XYLB: variants seen among roughly 807,000 people sequenced by gnomAD.
XYLB encodes the protein xylulokinase, also known as xylulose kinase.
Under a neutral mutation model 78.7 loss-of-function variants are expected in XYLB, and 62 were observed. That is an observed-to-expected ratio of 0.79 (90% CI 0.64 to 0.97). The LOEUF is 0.97. Ranked by LOEUF, XYLB falls within the 50% of genes least tolerant of loss-of-function variation. XYLB has a pLI of 0.00. For missense variants in XYLB, 687 were observed against 676.8 expected (o/e 1.02, Z -0.17); for synonymous variants, 245 against 247.4 (o/e 0.99, Z 0.09).
At chr3:38,441,248 A>C in the XYLB span, among the ~76,000 whole-genome samples, 2 of 152,210 alleles carry the variant, frequency 1.3e-5, no homozygotes, top group African/African-American at 4.8e-5. Context: ...CATACTTGCT[A>C]TCTATATACA....
downstream of XYLB, among the ~76,000 whole-genome samples, chr3:38,416,737 T>G (rs1708808112): frequency 6.6e-6 from 1 of 152,158 alleles, no homozygotes; most frequent in South Asian, 2.1e-4. Flanking sequence ...GAAGGATACA[T>G]TAAAATGCTA....
At chr3:38,404,493 A>G (rs1265529533) in intron 18 of XYLB, among the ~76,000 whole-genome samples, 2 of 152,252 alleles carry the variant, frequency 1.3e-5, no homozygotes, top group Non-Finnish European at 2.9e-5. Context: ...CACCAAGAGT[A>G]GGCCCCAGTT....
At chr3:38,363,075 T>C in intron 4 of XYLB, 58 bp downstream of exon 4, 1 of 1,376,254 alleles carries the variant, frequency 7.3e-7, no homozygotes, top group Non-Finnish European at 9.6e-7. Context: ...GGCAATGGTG[T>C]GGGTGTTGAA....
intron 10 of XYLB, among the ~76,000 whole-genome samples, chr3:38,373,894 C>G (rs987523769): frequency 6.6e-6 from 1 of 152,106 alleles, no homozygotes; most frequent in Non-Finnish European, 1.5e-5. Context: ...TAGTGTGCAC[C>G]TGTAGTCTTA....
chr3:38,365,162 T>G, intron 4 of XYLB, 37 bp from the exon 5 acceptor site: 2 of 1,601,612 alleles, frequency 1.2e-6, no homozygotes, highest in Non-Finnish European at 1.7e-6. Context: ...GACACTGGTG[T>G]GTGGTCATGT....
chr3:38,423,103 C>T (rs1438523404), downstream of XYLB, among the ~76,000 whole-genome samples: 3 of 152,088 alleles, frequency 2.0e-5, no homozygotes, highest in African/African-American at 4.8e-5. Flanking sequence ...GATGGAGTCT[C>T]GCTCTGCTGC....
At position 38,368,186 on chromosome 3, in the gene XYLB, G is replaced by A; in HGVS notation, c.575G>A (p.Arg192Lys). 1 of 1,614,014 alleles carries A rather than the reference G, an allele frequency of 6.2e-7. No homozygotes were observed. Among genetic ancestry groups the A allele is most frequent in the Non-Finnish European group, 8.5e-7 (1 of 1,179,910 alleles). The part of the protein sequence containing the change: ...QNPEAYSHTE[R>K]ISLVSSFAAS... ...TCTCACTGTTTCTTTCCTTTACAGA[G>A]AATTTCTTTGGTCAGTAGCTTTGCT... Residue 192 changes from arginine (R) to lysine (K), a missense_variant and splice_region_variant, in exon 8 of 19, where the codon AGA becomes AAA. Physicochemically the swap from Arg to Lys is conservative, Grantham distance 26. Coordinates refer to ENST00000207870, the MANE Select transcript of XYLB (RefSeq NM_005108.4).
chr3:38,409,082 A>C (rs1190747435), intron 18 of XYLB, among the ~76,000 whole-genome samples: 1 of 152,232 alleles, frequency 6.6e-6, no homozygotes, highest in Non-Finnish European at 1.5e-5. Flanking sequence ...AGACAGAAAC[A>C]AAAAAGAGAA....
rs560630537 is a variant in XYLB, at chr3:38,368,338, C to T, written c.646+81C>T. The T allele has an allele frequency of 4.9e-5, 64 of 1,293,016 alleles. No homozygotes were observed. The Admixed American group carries it at 1.1e-3, about 21-fold the overall frequency. The allele number at this position is 1,293,016 out of a possible 1,614,324, so 80.1% of individuals were successfully genotyped here. A position where few individuals can be genotyped will look rare whatever the true frequency, so the allele number is the denominator to read the frequency against. ...GTGCAAGCAGTGGGAGCCCCACCTA[C>T]CCCGAGTGGGTGCCAATCTTGTAGC... On this transcript the variant is annotated intron_variant, in intron 8 of 18. Transcript: ENST00000207870.
At chr3:38,365,324 G>A (rs539102531) in intron 5 of XYLB, 39 bp downstream of exon 5, 30 of 1,601,660 alleles carry the variant, frequency 1.9e-5, no homozygotes, top group Admixed American at 8.3e-5. Context: ...AGAAACTTCT[G>A]CAGAGTCCCA....
intron 15 of XYLB, among the ~76,000 whole-genome samples, chr3:38,382,797 G>C (rs1434387793): frequency 6.6e-6 from 1 of 152,204 alleles, no homozygotes; most frequent in African/African-American, 2.4e-5. Context: ...TGGGATTGTG[G>C]CATTATTCCC....
At chr3:38,372,599 C>T (rs141673574) in intron 9 of XYLB, 56 bp from the exon 10 acceptor site, 8 of 1,612,730 alleles carry the variant, frequency 5.0e-6, no homozygotes, top group African/African-American at 2.7e-5. Flanking sequence ...GGTGGCTGTG[C>T]TGGGCAGGCG....
the XYLB span, among the ~76,000 whole-genome samples, chr3:38,439,465 T>C: frequency 7.0e-3 from 1,060 of 152,290 alleles, 7 homozygotes; most frequent in African/African-American, 0.025. Flanking sequence ...GAGGTTGGTA[T>C]AAGAGTTTGA....
the XYLB span, among the ~76,000 whole-genome samples, chr3:38,446,419 G>C: frequency 6.6e-6 from 1 of 152,164 alleles, no homozygotes; most frequent in African/African-American, 2.4e-5. Context: ...AGTTCTCCAA[G>C]TCCCCACCCC....
intron 18 of XYLB, among the ~76,000 whole-genome samples, chr3:38,409,013 G>A (rs943972582): frequency 2.0e-5 from 3 of 152,092 alleles, no homozygotes; most frequent in African/African-American, 7.2e-5. Context: ...AGAAAAAGAG[G>A]GAATCCTCCC....
the XYLB span, among the ~76,000 whole-genome samples, chr3:38,444,603 A>G: frequency 1.3e-5 from 2 of 152,086 alleles, no homozygotes; most frequent in East Asian, 1.9e-4. Flanking sequence ...TCAGGTGGCC[A>G]TTTTTCCCCA....
At chr3:38,438,167 T>TA in the XYLB span, among the ~76,000 whole-genome samples, 1 of 152,074 alleles carries the variant, frequency 6.6e-6, no homozygotes, top group East Asian at 1.9e-4. Flanking sequence ...AATTCAAGGC[T>TA]ACAGTGAGTT....
chr3:38,357,487 T>C (rs1705719730), intron 2 of XYLB, among the ~76,000 whole-genome samples: 1 of 151,848 alleles, frequency 6.6e-6, no homozygotes, highest in African/African-American at 2.4e-5. Flanking sequence ...CCTGGGTTCA[T>C]GCCATTCTCC....
At chr3:38,404,883 A>G (rs2125663974) in intron 18 of XYLB, among the ~76,000 whole-genome samples, 1 of 152,274 alleles carries the variant, frequency 6.6e-6, no homozygotes, top group Non-Finnish European at 1.5e-5. Context: ...TTAAGAAGGA[A>G]TGGGGTTGGC....
Sources: gnomAD v4.1 joint callset for allele counts (sites outside exome capture counted in the v4.1 genomes callset) on GRCh38, gnomAD v4.1.1 for gene constraint, MANE v1.5 for transcripts, NCBI Gene and HGNC (gene_info 2026-07-23, HGNC 2026-07-21) for gene names.